Variants in CFAP46 observed in about 807,000 individuals in gnomAD.
CFAP46 encodes cilia- and flagella-associated protein 46.
A neutral mutation model predicts 325.7 loss-of-function variants in CFAP46; 245 were observed. That is an observed-to-expected ratio of 0.75 (90% CI 0.68 to 0.84). CFAP46 has a LOEUF of 0.84. Among genes scored for constraint, CFAP46 ranks in the 40% least tolerant of loss-of-function variants. The pLI is 0.00. For missense variants in CFAP46, 3,346 were observed against 3,543.0 expected (o/e 0.94, Z 1.41); for synonymous variants, 1,523 against 1,495.9 (o/e 1.02, Z -0.42).
intron 44 of CFAP46, among the ~76,000 whole-genome samples, chr10:132,839,298 G>T (rs528528712): frequency 2.0e-4 from 30 of 152,228 alleles, no homozygotes; most frequent in Non-Finnish European, 3.5e-4. Flanking sequence ...CCCCACAAGG[G>T]ACACAGCCCT....
chr10:132,846,672 C>T (rs1442849629), intron 43 of CFAP46, among the ~76,000 whole-genome samples: 16 of 151,494 alleles, frequency 1.1e-4, no homozygotes, highest in African/African-American at 9.7e-5. Context: ...CTGTGAGGTC[C>T]GCATGGACGG....
chr10:132,927,380 AGCAGGTCCTCGGCGGCAGACGCCTCCG>A (rs1849828068), intron 9 of CFAP46, among the ~76,000 whole-genome samples: 2 of 151,142 alleles, frequency 1.3e-5, no homozygotes, highest in African/African-American at 4.9e-5. Context: ...CGTCCCGGGG[AGCAGGTCCTCGGCGGCAGACGCCTCCG>A]TCCCGGGGAG....
At chr10:132,936,767 G>C (rs1850014601) in intron 7 of CFAP46, among the ~76,000 whole-genome samples, 194 bp downstream of exon 7, 1 of 152,214 alleles carries the variant, frequency 6.6e-6, no homozygotes, top group Non-Finnish European at 1.5e-5. Flanking sequence ...AGGGAGGCAG[G>C]GCCAGGAATT....
At chr10:132,815,356 T>C (rs1442404301) in intron 50 of CFAP46, among the ~76,000 whole-genome samples, 3 of 152,142 alleles carry the variant, frequency 2.0e-5, no homozygotes, top group Non-Finnish European at 4.4e-5. Flanking sequence ...CCCCCGACTT[T>C]CCTTTCTGTG....
intron 22 of CFAP46, among the ~76,000 whole-genome samples, chr10:132,907,192 C>G (rs1849469207): frequency 6.6e-6 from 1 of 152,284 alleles, no homozygotes. Flanking sequence ...AACATCGTTA[C>G]AGCCTTTGGG....
In CFAP46 at chr10:132,885,151, G is replaced by A. The variant is rs1025157653; in HGVS notation, c.3579C>T (p.Ser1193=). ...MWHRLALNSP[S]VSGELACYNN... is the part of the protein sequence containing the mutation. The stretch of plus-strand genomic sequence containing the variant: ...TGTAGCAGGCCAGCTCTCCAGACAC[G>A]CTCGGCGAGTTCAGGGCCAGGCGGT... Residue 1193 remains serine (S), a synonymous_variant, in exon 27 of 58, where the codon AGC becomes AGT. Transcript: ENST00000368586. The A allele has an allele frequency of 1.3e-5, 20 of 1,550,176 alleles. No homozygotes were observed. The highest frequency in any genetic ancestry group is 1.4e-5 in the Non-Finnish European group (16 of 1,146,910).
chr10:132,923,873 C>G (rs1007145237), intron 11 of CFAP46, among the ~76,000 whole-genome samples: 6 of 152,094 alleles, frequency 3.9e-5, no homozygotes, highest in African/African-American at 9.7e-5. Context: ...TCCATTCCTC[C>G]AAAAGGTATA....
At chr10:132,901,089 C>A (rs140260749) in intron 22 of CFAP46, among the ~76,000 whole-genome samples, 72 of 152,346 alleles carry the variant, frequency 4.7e-4, no homozygotes, top group African/African-American at 1.7e-3. Flanking sequence ...CTTTTACCTT[C>A]AATCTGTGTC....
At chr10:132,916,739 G>C in intron 16 of CFAP46, 57 bp from the exon 17 acceptor site, 2 of 1,406,142 alleles carry the variant, frequency 1.4e-6, no homozygotes, top group Non-Finnish European at 1.9e-6. Flanking sequence ...CCCAGCACCA[G>C]ATAGGAAACA....
intron 50 of CFAP46, among the ~76,000 whole-genome samples, chr10:132,823,436 CTGTGTGTGCTGATGTGTGT>C (rs1361151623): frequency 8.1e-6 from 1 of 123,846 alleles, no homozygotes; most frequent in African/African-American, 3.2e-5. Flanking sequence ...CTGATGTGTG[CTGTGTGTGCTGATGTGTGT>C]TGTGTGTGCT....
chr10:132,877,801 C>T lies in CFAP46; in HGVS notation c.4212+80G>A, dbSNP rs574982032. On this transcript the variant is annotated intron_variant, in intron 30 of 57. Transcript: ENST00000368586. The surrounding 1 kb of genome is among the most constrained non-coding windows in gnomAD (Gnocchi z 5.7). ...GCACTGAGGCCGCCTGGGGCTCCTC[C>T]GAGAACCCTGACAGGCAGGGAAACT... 83 of 1,485,724 alleles carry T rather than the reference C, an allele frequency of 5.6e-5. No individual in the cohort carries two copies. The highest frequency in any genetic ancestry group is 4.0e-4 in the Admixed American group (20 of 50,026). 92.0% of individuals were successfully genotyped at this position (1,485,724 alleles called of 1,614,324 possible). A position where few individuals can be genotyped will look rare whatever the true frequency, so the allele number is the denominator to read the frequency against.
rs773860016 is a variant in CFAP46 at position 132,835,446 on chromosome 10, T to G, written c.6614-12A>C. ...CACCTTGCAGGAGCCTGTGGGGACA[T>G]GGACACACCCTCTGTCGCTGCCCAG... On this transcript the variant is annotated splice_polypyrimidine_tract_variant and intron_variant, in intron 46 of 57. Coordinates refer to ENST00000368586, the MANE Select transcript of CFAP46 (RefSeq NM_001200049.3). 1.2e-6 allele frequency: 2 copies of G among 1,613,354 alleles called. No homozygotes were observed. The highest frequency in any genetic ancestry group is 2.2e-5 in the South Asian group (2 of 91,072).
chr10:132,815,042 A>C (rs1296223035), intron 50 of CFAP46, 128 bp from the exon 51 acceptor site: 1 of 866,438 alleles, frequency 1.2e-6, no homozygotes, highest in Non-Finnish European at 1.8e-6. Flanking sequence ...TTGTGAGAAC[A>C]AGCGGTTTTA....
chr10:132,814,582 C>T lies in CFAP46; in HGVS notation c.7280G>A (p.Gly2427Asp). Residue 2427 changes from glycine (G) to aspartate (D), a missense_variant, in exon 53 of 58, where the codon GGC becomes GAC. Coordinates refer to ENST00000368586, the MANE Select transcript of CFAP46 (RefSeq NM_001200049.3). ...FVVDPYEEAQ[G>D]PEMLTPVSIT... ...GAGCCCTGTGCAGCACCCACCTGGG[C>T]CCTGGGCCTCCTCGTATGGGTCCAC... is the stretch of plus-strand genomic sequence containing the variant. 1 of 1,564,688 alleles carries T rather than the reference C, an allele frequency of 6.4e-7. No individual in the cohort carries two copies. The highest frequency in any genetic ancestry group is 8.7e-7 in the Non-Finnish European group (1 of 1,155,002).
At chr10:132,853,352 AT>A (rs1484951406) in intron 39 of CFAP46, among the ~76,000 whole-genome samples, 3 of 152,190 alleles carry the variant, frequency 2.0e-5, no homozygotes, top group Non-Finnish European at 4.4e-5. Flanking sequence ...AAATTAATTA[AT>A]TTTTGAATGT....
At chr10:132,924,102 T>G (rs1189541353) in intron 11 of CFAP46, among the ~76,000 whole-genome samples, 1 of 152,004 alleles carries the variant, frequency 6.6e-6, no homozygotes, top group Non-Finnish European at 1.5e-5. Flanking sequence ...GCTGTGATTC[T>G]CCAGCCACCC....
At chr10:132,909,768 T>A in intron 20 of CFAP46, 151 bp downstream of exon 20, 1 of 702,544 alleles carries the variant, frequency 1.4e-6, no homozygotes, top group Non-Finnish European at 2.1e-6. Flanking sequence ...CCAGCGGCGG[T>A]GAGCTCAGTG....
intron 39 of CFAP46, among the ~76,000 whole-genome samples, chr10:132,855,190 C>T (rs1215072203): frequency 2.6e-5 from 4 of 152,096 alleles, no homozygotes; most frequent in Non-Finnish European, 5.9e-5. Context: ...GTTTTTGCTT[C>T]ATTGATTGTG....
In CFAP46 at chr10:132,876,205, T is replaced by A. The variant is rs1848955155; in HGVS notation, c.4362+607A>T. 6.6e-6 allele frequency among the ~76,000 whole-genome samples: 1 copy of A among 152,158 alleles called. No homozygotes were observed. The highest frequency in any genetic ancestry group is 1.5e-5 in the Non-Finnish European group (1 of 68,024). On this transcript the variant is annotated intron_variant, in intron 31 of 57. Coordinates refer to ENST00000368586, the MANE Select transcript of CFAP46 (RefSeq NM_001200049.3). The surrounding 1 kb of genome is among the most constrained non-coding windows in gnomAD (Gnocchi z 4.1). ...TTGAGGGGAGTGGCATCAGCAGGGA[T>A]CTGCGCAGGGCCACTCTACCCACAG... is the stretch of plus-strand genomic sequence containing the variant.
Sources: gnomAD v4.1 joint callset for allele counts (sites outside exome capture counted in the v4.1 genomes callset) on GRCh38, gnomAD v4.1.1 for gene constraint, Gnocchi (gnomAD v3.1) non-coding constraint, MANE v1.5 for transcripts, NCBI Gene and HGNC (gene_info 2026-07-23, HGNC 2026-07-21) for gene names.